Variants in SLC4A1AP observed in about 807,000 individuals in gnomAD.
SLC4A1AP encodes the protein solute carrier family 4 member 1 adaptor protein, also known as kanadaptin.
In SLC4A1AP, 64 loss-of-function variants were observed where a neutral mutation model predicts 89.7. The ratio of observed to expected loss-of-function variants is 0.71; its 90% confidence interval spans 0.58 to 0.88. The LOEUF (loss-of-function observed/expected upper bound fraction) is 0.88. Ranked by LOEUF, SLC4A1AP falls within the 40% of genes least tolerant of loss-of-function variation. The pLI, the probability that SLC4A1AP is intolerant of heterozygous loss-of-function variation, is 0.00. For synonymous variants in SLC4A1AP, 366 were observed against 353.3 expected (o/e 1.04, Z -0.40); for missense variants, 931 against 965.0 (o/e 0.96, Z 0.47).
exon 8 of SLC4A1AP, chr2:27,677,748 G>A: frequency 6.2e-7 from 1 of 1,601,114 alleles, no homozygotes; most frequent in Non-Finnish European, 8.5e-7. Flanking sequence ...TTCTATCAGA[G>A]TCTCCATCTC....
At chr2:27,690,865 G>A (rs1675777437) in intron 12 of SLC4A1AP, among the ~76,000 whole-genome samples, 1 of 152,072 alleles carries the variant, frequency 6.6e-6, no homozygotes, top group Non-Finnish European at 1.5e-5. Flanking sequence ...GCATCCCTGG[G>A]ATGAAACCCA....
chr2:27,694,698 C>T (rs780638751), exon 14 of SLC4A1AP: 8 of 1,545,286 alleles, frequency 5.2e-6, no homozygotes, highest in East Asian at 2.3e-5. Flanking sequence ...TTCAGAATCC[C>T]AAAAGAAAAC....
At chr2:27,693,990 T>G (rs1187316654) in intron 13 of SLC4A1AP, among the ~76,000 whole-genome samples, 1 of 152,242 alleles carries the variant, frequency 6.6e-6, no homozygotes, top group Non-Finnish European at 1.5e-5. Flanking sequence ...TTTATTTTTT[T>G]AAAGTGTGAA....
chr2:27,669,682 A>G (rs1675389730), intron 5 of SLC4A1AP, among the ~76,000 whole-genome samples: 1 of 152,040 alleles, frequency 6.6e-6, no homozygotes, highest in Non-Finnish European at 1.5e-5. Flanking sequence ...AGAATGTATC[A>G]TGGATGTTGT....
At chr2:27,693,606 G>T in intron 12 of SLC4A1AP, 79 bp from the exon 13 acceptor site, 2 of 1,118,864 alleles carry the variant, frequency 1.8e-6, no homozygotes, top group Non-Finnish European at 2.6e-6. Context: ...GCTAACAATA[G>T]GACCCCAATC....
chr2:27,672,723 G>T (rs753472620), intron 5 of SLC4A1AP, among the ~76,000 whole-genome samples: 1 of 152,178 alleles, frequency 6.6e-6, no homozygotes, highest in African/African-American at 2.4e-5. Context: ...GAATATATAG[G>T]TGGGGTTTGT....
intron 5 of SLC4A1AP, among the ~76,000 whole-genome samples, chr2:27,673,817 A>C (rs779999489): frequency 6.6e-6 from 1 of 152,206 alleles, no homozygotes; most frequent in Non-Finnish European, 1.5e-5. Flanking sequence ...AAATAATAGA[A>C]GTCCAATTCA....
At chr2:27,681,005 A>C (rs1002024557) in intron 8 of SLC4A1AP, among the ~76,000 whole-genome samples, 1 of 151,934 alleles carries the variant, frequency 6.6e-6, no homozygotes, top group Non-Finnish European at 1.5e-5. Context: ...TGAACTTCCA[A>C]ACTTTCTGCC....
intron 9 of SLC4A1AP, among the ~76,000 whole-genome samples, 172 bp downstream of exon 9, chr2:27,682,531 T>A (rs550824711): frequency 6.6e-6 from 1 of 151,142 alleles, no homozygotes; most frequent in Non-Finnish European, 1.5e-5. Flanking sequence ...ATTCTTTTTT[T>A]TTTTTTTTTT....
chr2:27,669,154 C>CT (rs200962232), intron 4 of SLC4A1AP, 94 bp from the exon 5 acceptor site: 112 of 1,299,886 alleles, frequency 8.6e-5, no homozygotes, highest in Non-Finnish European at 1.1e-4. Context: ...GAAAGGCCAT[C>CT]TAAAAAAAAA....
At chr2:27,675,742 AATAAC>A in intron 6 of SLC4A1AP, 50 bp downstream of exon 6, 1 of 1,227,066 alleles carries the variant, frequency 8.1e-7, no homozygotes. Context: ...TTTAATTTTT[AATAAC>A]ATAATGTATT....
chr2:27,672,827 G>A (rs561224237), intron 5 of SLC4A1AP, among the ~76,000 whole-genome samples: 5 of 152,154 alleles, frequency 3.3e-5, no homozygotes, highest in African/African-American at 7.2e-5. Context: ...GTCTGTGAGC[G>A]AGATTCCCCA....
At chr2:27,682,486 G>A in intron 9 of SLC4A1AP, 127 bp downstream of exon 9, 1 of 560,286 alleles carries the variant, frequency 1.8e-6, no homozygotes, top group Non-Finnish European at 3.2e-6. Flanking sequence ...TGTGGGCTTG[G>A]TATGATCACA....
At chr2:27,667,788 A>T (rs767536374) in intron 3 of SLC4A1AP, among the ~76,000 whole-genome samples, 59 of 151,518 alleles carry the variant, frequency 3.9e-4, no homozygotes, top group Non-Finnish European at 7.8e-4. Context: ...ATGATTTAAA[A>T]TTTTTTTTCC....
intron 2 of SLC4A1AP, 114 bp downstream of exon 2, chr2:27,665,409 C>G (rs1474134864): frequency 1.2e-6 from 1 of 850,350 alleles, no homozygotes; most frequent in African/African-American, 1.8e-5. Flanking sequence ...ATAGATAGGG[C>G]AAACACAATT....
chr2:27,691,763 T>C (rs571445936), intron 12 of SLC4A1AP: 1 of 152,208 alleles, frequency 6.6e-6, no homozygotes, highest in African/African-American at 2.4e-5. Context: ...CTAATTTTTG[T>C]ACTTTTGTTA....
chr2:27,676,952 A>G (rs1342027883), intron 6 of SLC4A1AP, among the ~76,000 whole-genome samples: 2 of 152,086 alleles, frequency 1.3e-5, no homozygotes, highest in Non-Finnish European at 2.9e-5. Flanking sequence ...CATCCTGGCC[A>G]ACATGGTGAA....
chr2:27,682,113 ATTG>A (rs776483828), intron 8 of SLC4A1AP, 132 bp from the exon 9 acceptor site: 4 of 597,968 alleles, frequency 6.7e-6, no homozygotes, highest in Admixed American at 3.2e-5. Flanking sequence ...CCTCTTTCTT[ATTG>A]TTATATGCTT....
rs555746552 is a variant in SLC4A1AP, at chr2:27,690,450, C to G, written c.2271+1683C>G. On this transcript the variant is annotated intron_variant, in intron 12 of 13. Transcript: ENST00000613058. ...GTTACTTTGCTTAAAATAATGGCCTCTAGCTCCAAGTTGCTGCAAAAAAAT... is the reference window on the plus strand; with the variant it reads ...GTTACTTTGCTTAAAATAATGGCCTGTAGCTCCAAGTTGCTGCAAAAAAAT... Among the ~76,000 whole-genome samples the G allele has an allele frequency of 3.3e-5, 5 of 152,230 alleles. No homozygotes were observed. The South Asian group carries it at 1.0e-3, about 32-fold the overall frequency.
Sources: gnomAD v4.1 joint callset for allele counts (sites outside exome capture counted in the v4.1 genomes callset) on GRCh38, gnomAD v4.1.1 for gene constraint, MANE v1.5 for transcripts, NCBI Gene and HGNC (gene_info 2026-07-23, HGNC 2026-07-21) for gene names.